The following MAP3K15 variants were observed in gnomAD, a reference collection of about 807,000 sequenced individuals.
MAP3K15 encodes MAPK/ERK kinase kinase 15.
Under a neutral mutation model 99.5 loss-of-function variants are expected in MAP3K15, and 124 were observed. The observed-to-expected ratio is 1.25, with a 90% confidence interval of 1.08 to 1.45. MAP3K15 has a LOEUF of 1.45. Ranked by LOEUF, MAP3K15 falls within the 40% of genes most tolerant of loss-of-function variation. MAP3K15 has a pLI of 0.00. For synonymous variants in MAP3K15, 494 were observed against 439.6 expected (o/e 1.12, Z -1.55); for missense variants, 1,242 against 1,079.7 (o/e 1.15, Z -2.11).
At chrX:19,394,862 C>T (rs867375724) in intron 16 of MAP3K15, among the ~76,000 whole-genome samples, 8 of 80,044 alleles carry the variant, frequency 1.0e-4, no homozygotes, top group Non-Finnish European at 1.3e-4. Context: ...TTTGCTCTGT[C>T]GCCCAGGCTG....
In MAP3K15 at chrX:19,369,060, G is replaced by C; in HGVS notation, c.3560C>G (p.Thr1187Ser). Residue 1187 changes from threonine (T) to serine (S), a missense_variant, in exon 25 of 29, where the codon ACC becomes AGC. Physicochemically the swap from Thr to Ser is moderately conservative, Grantham distance 58 (BLOSUM62 1). Transcript: ENST00000338883. ...GGGCCCAGAAGCTCCTCACCTGTTG[G>C]TCTCCTGTCTGAGCTCACCCAGCTG... ...SLQLGELRQE[T>S]NRLLEHLVEK... 1 of 1,196,909 alleles carries C rather than the reference G, an allele frequency of 8.4e-7. No homozygotes were observed. Among genetic ancestry groups the C allele is most frequent in the Non-Finnish European group, 1.1e-6 (1 of 888,383 alleles).
At chrX:19,447,081 A>C (rs997697322) in intron 6 of MAP3K15, among the ~76,000 whole-genome samples, 4 of 109,982 alleles carry the variant, frequency 3.6e-5, no homozygotes, top group African/African-American at 9.9e-5. Flanking sequence ...ACACCGGCTA[A>C]TTTTTAAATT....
intron 1 of MAP3K15, among the ~76,000 whole-genome samples, chrX:19,489,456 A>C (rs2064351960): frequency 9.0e-6 from 1 of 110,974 alleles, no homozygotes; most frequent in South Asian, 3.9e-4. Flanking sequence ...TGTGCGCTAT[A>C]GAATGAACGT....
chrX:19,453,238 T>C (rs1363438809), intron 6 of MAP3K15, among the ~76,000 whole-genome samples: 1 of 111,343 alleles, frequency 9.0e-6, no homozygotes, highest in East Asian at 2.8e-4. Context: ...CAGTGGCTCA[T>C]GTCTGTAATC....
intron 4 of MAP3K15, among the ~76,000 whole-genome samples, chrX:19,462,490 TTAG>T (rs937374935): frequency 2.7e-5 from 3 of 112,318 alleles, no homozygotes; most frequent in African/African-American, 9.7e-5. Flanking sequence ...TAAAGTGTTA[TTAG>T]GTTAGCCCGA....
At chrX:19,369,687 C>T (rs1249343355) in intron 24 of MAP3K15, among the ~76,000 whole-genome samples, 1 of 111,108 alleles carries the variant, frequency 9.0e-6, no homozygotes, top group African/African-American at 3.3e-5. Flanking sequence ...GAGGCTGAGG[C>T]GGGCAGATCA....
At chrX:19,429,760 AAGAGAGAGAGAGAGAGAG>A (rs369383239) in intron 7 of MAP3K15, among the ~76,000 whole-genome samples, 345 of 33,172 alleles carry the variant, frequency 0.01, 3 homozygotes, top group African/African-American at 0.017. Flanking sequence ...GTATGAAAGG[AAGAGAGAGAGAGAGAGAG>A]AGAGAGAGAG....
At chrX:19,461,105 G>T (rs963967934) in intron 4 of MAP3K15, among the ~76,000 whole-genome samples, 26 of 111,928 alleles carry the variant, frequency 2.3e-4, no homozygotes, top group Non-Finnish European at 4.5e-4. Context: ...TCAGCCTCCT[G>T]AGTAGCTGGG....
chrX:19,400,516 T>G, intron 14 of MAP3K15, 60 bp downstream of exon 14: 1 of 881,645 alleles, frequency 1.1e-6, no homozygotes, highest in Non-Finnish European at 1.6e-6. Context: ...ATGGGACATT[T>G]TCTTGAAGCA....
intron 2 of MAP3K15, among the ~76,000 whole-genome samples, chrX:19,487,962 A>G (rs2064340770): frequency 9.0e-6 from 1 of 110,532 alleles, no homozygotes; most frequent in South Asian, 3.9e-4. Context: ...CCTTGGTCCC[A>G]ACCCCCATCC....
chrX:19,365,097 G>A (rs1232444321), intron 25 of MAP3K15, among the ~76,000 whole-genome samples: 5 of 108,564 alleles, frequency 4.6e-5, no homozygotes, highest in Non-Finnish European at 9.6e-5. Flanking sequence ...CCAGCTACTC[G>A]GGAGGGGAGA....
chrX:19,363,355 T>C (rs1048866336), intron 25 of MAP3K15, among the ~76,000 whole-genome samples: 2 of 112,288 alleles, frequency 1.8e-5, no homozygotes, highest in African/African-American at 6.5e-5. Flanking sequence ...ACCTCGATCT[T>C]GGACTTCGAG....
intron 25 of MAP3K15, among the ~76,000 whole-genome samples, chrX:19,364,193 A>G (rs867507788): frequency 3.6e-5 from 4 of 112,122 alleles, no homozygotes; most frequent in African/African-American, 1.3e-4. Context: ...AGTAACGCCC[A>G]GAGTCCACAG....
intron 15 of MAP3K15, among the ~76,000 whole-genome samples, chrX:19,397,877 A>G (rs1295888373): frequency 3.6e-5 from 4 of 109,989 alleles, no homozygotes; most frequent in Non-Finnish European, 7.6e-5. Flanking sequence ...CAGGAGTTCG[A>G]GACCAACCTG....
At chrX:19,421,932 G>A (rs1243173871) in intron 9 of MAP3K15, among the ~76,000 whole-genome samples, 1 of 110,265 alleles carries the variant, frequency 9.1e-6, no homozygotes, top group Non-Finnish European at 1.9e-5. Flanking sequence ...AATGGGGAAA[G>A]GAGTCCCTAT....
intron 2 of MAP3K15, among the ~76,000 whole-genome samples, chrX:19,487,258 G>C (rs930284607): frequency 7.3e-5 from 8 of 110,095 alleles, no homozygotes; most frequent in Non-Finnish European, 1.3e-4. Context: ...AAATATAACT[G>C]ACTACCCATT....
chrX:19,480,774 G>A (rs939883798), intron 3 of MAP3K15, among the ~76,000 whole-genome samples: 1 of 105,399 alleles, frequency 9.5e-6, no homozygotes, highest in Admixed American at 1.0e-4. Flanking sequence ...TGCAGTGAGC[G>A]GAGCCTGTGC....
intron 6 of MAP3K15, among the ~76,000 whole-genome samples, chrX:19,442,878 A>T (rs1474900141): frequency 9.5e-6 from 1 of 105,142 alleles, no homozygotes; most frequent in Non-Finnish European, 1.9e-5. Context: ...GCGCACCACC[A>T]CACCTGGGTA....
intron 21 of MAP3K15, 25 bp from the exon 22 acceptor site, chrX:19,372,852 C>T: frequency 8.4e-7 from 1 of 1,193,085 alleles, no homozygotes; most frequent in Non-Finnish European, 1.1e-6. Flanking sequence ...GTGTGACAAT[C>T]TCTGTGCGTG....
Sources: allele counts gnomAD v4.1 joint callset (sites outside exome capture counted in the v4.1 genomes callset), GRCh38; gene constraint gnomAD v4.1.1; transcripts MANE v1.5; gene names NCBI Gene and HGNC (gene_info 2026-07-23, HGNC 2026-07-21).